PLXDC2: variants seen among roughly 807,000 people sequenced by gnomAD.
PLXDC2 encodes the protein plexin domain containing 2.
Under a neutral mutation model 68.9 loss-of-function variants are expected in PLXDC2, and 40 were observed. That is an observed-to-expected ratio of 0.58 (90% CI 0.45 to 0.76). PLXDC2 has a LOEUF of 0.76. Among genes scored for constraint, PLXDC2 ranks in the 30% least tolerant of loss-of-function variants. The pLI, the probability that PLXDC2 is intolerant of heterozygous loss-of-function variation, is 0.00. For synonymous variants in PLXDC2, 243 were observed against 234.2 expected (o/e 1.04, Z -0.34); for missense variants, 644 against 661.9 (o/e 0.97, Z 0.30).
At chr10:19,937,787 G>C (rs75751750) in intron 1 of PLXDC2, among the ~76,000 whole-genome samples, 1 of 151,948 alleles carries the variant, frequency 6.6e-6, no homozygotes, top group Admixed American at 6.6e-5. Context: ...TTTCTTTCTA[G>C]ATGAGGAAGG....
intron 1 of PLXDC2, among the ~76,000 whole-genome samples, chr10:19,931,324 G>A (rs972294335): frequency 1.3e-5 from 2 of 152,170 alleles, no homozygotes; most frequent in African/African-American, 4.8e-5. Flanking sequence ...CTGTGTGGAG[G>A]CGCTGATCTG....
At chr10:20,041,849 G>A (rs936669382) in intron 2 of PLXDC2, among the ~76,000 whole-genome samples, 1 of 152,096 alleles carries the variant, frequency 6.6e-6, no homozygotes, top group Non-Finnish European at 1.5e-5. Flanking sequence ...GAGAAAAAGA[G>A]AATTAAAAAG....
At chr10:19,975,588 A>C (rs564188739) in intron 1 of PLXDC2, among the ~76,000 whole-genome samples, 2 of 152,344 alleles carry the variant, frequency 1.3e-5, no homozygotes, top group Non-Finnish European at 2.9e-5. Context: ...ATTGTTAGCT[A>C]TCTTACTAAT....
chr10:19,922,220 C>G (rs1335383102), intron 1 of PLXDC2, among the ~76,000 whole-genome samples: 1 of 152,194 alleles, frequency 6.6e-6, no homozygotes, highest in Non-Finnish European at 1.5e-5. Context: ...CACAGAAATG[C>G]TCTACAGGCT....
At chr10:19,974,315 G>A (rs72789637) in intron 1 of PLXDC2, among the ~76,000 whole-genome samples, 7,897 of 152,318 alleles carry the variant, frequency 0.052, 260 homozygotes, top group Middle Eastern at 0.092. Context: ...ATTGGACCAT[G>A]AGATGTAAAT....
chr10:19,927,129 G>C (rs754252031), intron 1 of PLXDC2, among the ~76,000 whole-genome samples: 6 of 152,066 alleles, frequency 3.9e-5, no homozygotes, highest in Non-Finnish European at 5.9e-5. Context: ...AGTTTGTTTG[G>C]AGTGGCTAAA....
At chr10:20,230,693 CAAAAA>C (rs1191613913) in intron 12 of PLXDC2, among the ~76,000 whole-genome samples, 2 of 37,806 alleles carry the variant, frequency 5.3e-5, no homozygotes, top group East Asian at 6.3e-4. Flanking sequence ...GACCTTGTCT[CAAAAA>C]AAAAAAAAAA....
At chr10:19,962,191 C>T (rs1265766481) in intron 1 of PLXDC2, among the ~76,000 whole-genome samples, 3 of 152,036 alleles carry the variant, frequency 2.0e-5, no homozygotes, top group Admixed American at 6.6e-5. Context: ...TTAAATCTTA[C>T]TGAGTTTAGA....
At chr10:19,872,682 C>T (rs957248348) in intron 1 of PLXDC2, among the ~76,000 whole-genome samples, 2 of 151,940 alleles carry the variant, frequency 1.3e-5, no homozygotes, top group African/African-American at 2.4e-5. Flanking sequence ...GGGTGGGGCT[C>T]AGGGGAACTG....
Position 19,833,083 on chromosome 10 carries a change from T to C in PLXDC2, c.112+15892T>C, listed in dbSNP as rs535629401. Among the ~76,000 whole-genome samples, 9 of 152,142 alleles carry C rather than the reference T, an allele frequency of 5.9e-5. No homozygotes were observed. The South Asian group carries it at 1.9e-3, about 32-fold the overall frequency. ...GTAGAAAAAATAAGGAAGTTGGAAGTGGGAAGTTAAGGATGTCAGAGGCAG... is the reference window on the plus strand; with the variant it reads ...GTAGAAAAAATAAGGAAGTTGGAAGCGGGAAGTTAAGGATGTCAGAGGCAG... On this transcript the variant is annotated intron_variant, in intron 1 of 13. Coordinates refer to ENST00000377252, the MANE Select transcript of PLXDC2 (RefSeq NM_032812.9).
chr10:20,019,576 C>T (rs1386163004), intron 2 of PLXDC2, among the ~76,000 whole-genome samples: 1 of 152,100 alleles, frequency 6.6e-6, no homozygotes, highest in African/African-American at 2.4e-5. Flanking sequence ...AGGACGGAGT[C>T]CTAATCTGAT....
At chr10:20,131,695 C>T (rs534769265) in intron 4 of PLXDC2, among the ~76,000 whole-genome samples, 7 of 152,260 alleles carry the variant, frequency 4.6e-5, no homozygotes, top group East Asian at 1.9e-4. Context: ...CCACTGCACC[C>T]GGCCACTTAC....
chr10:20,132,327 G>A (rs1355996866), intron 4 of PLXDC2, among the ~76,000 whole-genome samples: 4 of 152,098 alleles, frequency 2.6e-5, no homozygotes, highest in African/African-American at 9.7e-5. Flanking sequence ...TGCTGCTGTT[G>A]GATGAAACGT....
intron 4 of PLXDC2, among the ~76,000 whole-genome samples, chr10:20,081,153 G>C (rs1836549835): frequency 6.6e-6 from 1 of 152,122 alleles, no homozygotes. Flanking sequence ...TCCTAGCTGG[G>C]GGAAAGTCAT....
chr10:20,071,558 T>C (rs1278072381), intron 4 of PLXDC2, among the ~76,000 whole-genome samples: 3 of 152,178 alleles, frequency 2.0e-5, no homozygotes, highest in South Asian at 2.1e-4. Context: ...CTTGCCACCA[T>C]GTAAGACATG....
chr10:19,916,844 A>C (rs1350020161), intron 1 of PLXDC2, among the ~76,000 whole-genome samples: 1 of 152,202 alleles, frequency 6.6e-6, no homozygotes. Context: ...CATGTCATCC[A>C]GGTATACTCA....
At chr10:20,173,318 C>T (rs1020269733) in intron 7 of PLXDC2, among the ~76,000 whole-genome samples, 1 of 152,176 alleles carries the variant, frequency 6.6e-6, no homozygotes, top group African/African-American at 2.4e-5. Flanking sequence ...AAATATAATA[C>T]TTACACAATA....
intron 9 of PLXDC2, among the ~76,000 whole-genome samples, chr10:20,196,554 A>G (rs1049415078): frequency 1.2e-4 from 18 of 152,226 alleles, no homozygotes; most frequent in Non-Finnish European, 2.1e-4. Flanking sequence ...TCTCTTACTG[A>G]AAAAGAATCT....
At chr10:20,166,715 C>T (rs1834379669) in intron 7 of PLXDC2, among the ~76,000 whole-genome samples, 1 of 151,924 alleles carries the variant, frequency 6.6e-6, no homozygotes, top group Non-Finnish European at 1.5e-5. Context: ...AAGAAAAAAA[C>T]ACCAACCAAA....
Sources: gnomAD v4.1 joint callset for allele counts (sites outside exome capture counted in the v4.1 genomes callset) on GRCh38, gnomAD v4.1.1 for gene constraint, MANE v1.5 for transcripts, NCBI Gene and HGNC (gene_info 2026-07-23, HGNC 2026-07-21) for gene names.